The following FAM149A variants were observed in gnomAD, a reference collection of about 807,000 sequenced individuals.
FAM149A encodes family with sequence similarity 149 member A, also known as protein FAM149A.
A neutral mutation model predicts 78.2 loss-of-function variants in FAM149A; 71 were observed. The ratio of observed to expected loss-of-function variants is 0.91; its 90% CI spans 0.75 to 1.11. The LOEUF is 1.11. FAM149A is among the 50% of genes least tolerant of loss of function. The pLI is 0.00. For missense variants in FAM149A, 1,036 were observed against 971.0 expected (o/e 1.07, Z -0.89); for synonymous variants, 446 against 410.5 (o/e 1.09, Z -1.04).
At chr4:186,127,500 G>A (rs1262502299) in intron 1 of FAM149A, 3 of 985,290 alleles carry the variant, frequency 3.0e-6, no homozygotes, top group Non-Finnish European at 3.6e-6. Flanking sequence ...TGGGTACCAG[G>A]TTCTGTCTAG....
At chr4:186,151,055 C>T (rs1579882694) in intron 3 of FAM149A, 21 of 985,218 alleles carry the variant, frequency 2.1e-5, no homozygotes, top group East Asian at 2.3e-4. Context: ...CATGGGAATC[C>T]GCTTCTGTCC....
intron 1 of FAM149A, among the ~76,000 whole-genome samples, chr4:186,147,614 G>A (rs1733159652): frequency 6.6e-6 from 1 of 152,158 alleles, no homozygotes; most frequent in Admixed American, 6.5e-5. Flanking sequence ...ATCATGCTGA[G>A]TTTTAAAATT....
At chr4:186,134,438 G>A (rs971697154) in intron 1 of FAM149A, among the ~76,000 whole-genome samples, 1 of 152,180 alleles carries the variant, frequency 6.6e-6, no homozygotes, top group Non-Finnish European at 1.5e-5. Flanking sequence ...TTTTTTAGGT[G>A]CATGAGAAAG....
intron 1 of FAM149A, among the ~76,000 whole-genome samples, chr4:186,126,690 G>C (rs753547748): frequency 3.9e-5 from 6 of 152,008 alleles, no homozygotes; most frequent in Non-Finnish European, 5.9e-5. Flanking sequence ...TGACCCCCCT[G>C]GTTCTCAGAT....
chr4:186,120,384 T>G (rs192837255), intron 1 of FAM149A, among the ~76,000 whole-genome samples: 346 of 152,324 alleles, frequency 2.3e-3, no homozygotes, highest in Non-Finnish European at 3.9e-3. Context: ...CCAGGTATTT[T>G]TAATGAATTA....
rs552037644 is a variant in FAM149A, at chr4:186,171,986, G to A, written c.2291G>A (p.Ter764=). The stretch of plus-strand genomic sequence containing the variant: ...AAGAGGAGATTCCAAGTGACATCTT[G>A]AAACCACCTCACCAGAACCATTGGA... The change falls in exon 14 of 14, where the codon TGA becomes TAA. Residue 764 remains the stop codon, a stop_retained_variant. Transcript: ENST00000389354. The A allele has an allele frequency of 6.2e-7, 1 of 1,611,136 alleles. No homozygotes were observed. Among genetic ancestry groups the A allele is most frequent in the Admixed American group, 1.7e-5 (1 of 59,582 alleles).
In FAM149A at chr4:186,133,470, G is replaced by A. The variant is rs144931171; in HGVS notation, c.567-15703G>A. On this transcript the variant is annotated intron_variant, in intron 1 of 13. Coordinates refer to ENST00000389354, the MANE Select transcript of FAM149A (RefSeq NM_001367768.3). ...GGAATCATACAATATTTGGGCTTTT[G>A]TGTCTGGCTTATTTCACTTAGCGTA... 3.9e-5 allele frequency among the ~76,000 whole-genome samples: 6 copies of A among 152,258 alleles called. No individual in the cohort carries two copies. The East Asian group carries it at 1.2e-3, about 29-fold the overall frequency.
In FAM149A at chr4:186,130,291, C is replaced by CTA. The variant is rs1362112901; in HGVS notation, c.567-18881_567-18880insAT. 161 of 39,356 alleles carry CTA rather than the reference C, an allele frequency of 4.1e-3. 1 individual carries two copies. The highest frequency in any genetic ancestry group is 5.2e-3 in the Admixed American group (16 of 3,088). The allele number at this position is 39,356 out of a possible 1,614,324, so 2.4% of individuals were successfully genotyped here. A position where few individuals can be genotyped will look rare whatever the true frequency, so the allele number is the denominator to read the frequency against. On this transcript the variant is annotated intron_variant, in intron 1 of 13. Coordinates refer to ENST00000389354, the MANE Select transcript of FAM149A (RefSeq NM_001367768.3). The stretch of plus-strand genomic sequence containing the variant: ...TCTCTCTCTCTCTCTCTCTCTCTCT[C>CTA]TCTATATATATATATATATATATAA...
intron 1 of FAM149A, chr4:186,130,293 C>CTCTCTCTCTCTCTCTCTATATA: frequency 2.5e-3 from 116 of 46,552 alleles, no homozygotes; most frequent in Middle Eastern, 0.015. Flanking sequence ...CTCTCTCTCT[C>CTCTCTCTCTCTCTCTCTATATA]TATATATATA....
intron 1 of FAM149A, among the ~76,000 whole-genome samples, chr4:186,121,107 TTTATAA>T (rs1035478290): frequency 1.3e-5 from 2 of 152,122 alleles, no homozygotes; most frequent in East Asian, 1.9e-4. Context: ...TTTCCAGTTT[TTTATAA>T]TTATGTTTCT....
At chr4:186,113,266 T>C (rs2099312076) in intron 1 of FAM149A, among the ~76,000 whole-genome samples, 1 of 112,156 alleles carries the variant, frequency 8.9e-6, no homozygotes, top group Non-Finnish European at 1.8e-5. Context: ...TTTTTTATTG[T>C]GTCTATTTGA....
chr4:186,149,318 C>CA, intron 2 of FAM149A, 35 bp downstream of exon 2: 5 of 1,271,072 alleles, frequency 3.9e-6, no homozygotes, highest in Non-Finnish European at 5.1e-6. Context: ...TACAAAATCA[C>CA]AAAATGCCCG....
chr4:186,136,977 TCTCTCTC>T lies in FAM149A; in HGVS notation c.567-12195_567-12189del, dbSNP rs2099323338. 5.6e-5 allele frequency among the ~76,000 whole-genome samples: 3 copies of T among 53,370 alleles called. No homozygotes were observed. In the South Asian group the frequency reaches 2.3e-3, roughly 41 times the overall value. 35.0% of individuals were successfully genotyped at this position (53,370 alleles called of 152,430 possible). A position where few individuals can be genotyped will look rare whatever the true frequency, so the allele number is the denominator to read the frequency against. ...CTCTCTCTCTCTTTCTCTCTCTCTT[TCTCTCTC>T]TCTCTCTCTCTCTCTCTCTCTCTCT... On this transcript the variant is annotated intron_variant, in intron 1 of 13. Coordinates refer to ENST00000389354, the MANE Select transcript of FAM149A (RefSeq NM_001367768.3).
Position 186,105,147 on chromosome 4 carries a change from C to T in FAM149A, c.71C>T (p.Ala24Val), listed in dbSNP as rs2099308239. ...TTCGAGACCTCGACGGCGCCCCCCG[C>T]AGGCCCCTCCTCCAGACCCTCGGGA... The change falls in exon 1 of 14, where the codon GCA (alanine) becomes GTA (valine). Residue 24 changes from alanine (A) to valine (V), a missense_variant. Coordinates refer to ENST00000389354, the MANE Select transcript of FAM149A (RefSeq NM_001367768.3). 2.3e-6 allele frequency: 3 copies of T among 1,280,306 alleles called. No homozygotes were observed. The highest frequency in any genetic ancestry group is 3.0e-6 in the Non-Finnish European group (3 of 984,962). 79.3% of individuals were successfully genotyped at this position (1,280,306 alleles called of 1,614,324 possible). A position where few individuals can be genotyped will look rare whatever the true frequency, so the allele number is the denominator to read the frequency against.
chr4:186,166,740 T>TA (rs1579934326), intron 11 of FAM149A, among the ~76,000 whole-genome samples: 1 of 145,830 alleles, frequency 6.9e-6, no homozygotes, highest in East Asian at 2.0e-4. Flanking sequence ...AGGTTTTTTT[T>TA]ATCTCTCTTT....
chr4:186,108,850 GTTT>G (rs199914588), intron 1 of FAM149A, among the ~76,000 whole-genome samples: 1 of 140,572 alleles, frequency 7.1e-6, no homozygotes, highest in Non-Finnish European at 1.5e-5. Flanking sequence ...TCAATCTCTG[GTTT>G]TTTTTTTTTT....
intron 3 of FAM149A, among the ~76,000 whole-genome samples, chr4:186,149,958 C>T (rs1039486305): frequency 6.6e-6 from 1 of 152,160 alleles, no homozygotes; most frequent in East Asian, 1.9e-4. Context: ...ACCCTGCAGC[C>T]GGCTCTCCGG....
intron 8 of FAM149A, among the ~76,000 whole-genome samples, chr4:186,161,489 A>AT (rs1281443718): frequency 2.0e-5 from 3 of 152,092 alleles, no homozygotes; most frequent in African/African-American, 2.4e-5. Context: ...TGCTTATTGT[A>AT]TTTTTTTGGT....
In FAM149A at chr4:186,105,348, T is replaced by C. The variant is rs1352909635; in HGVS notation, c.272T>C (p.Val91Ala). ...GCCGCCAGCCGCGCCGCGGGAGCAG[T>C]GGGGACCCTGCTCTCTTGGCCCAGT... Residue 91 changes from valine (V) to alanine (A), a missense_variant, in exon 1 of 14, where the codon GTG becomes GCG. Transcript: ENST00000389354. The C allele has an allele frequency of 8.5e-7, 1 of 1,178,594 alleles. No individual in the cohort carries two copies. The highest frequency in any genetic ancestry group is 1.1e-6 in the Non-Finnish European group (1 of 943,804). 73.0% of individuals were successfully genotyped at this position (1,178,594 alleles called of 1,614,324 possible).
Sources: gnomAD v4.1 joint callset for allele counts (sites outside exome capture counted in the v4.1 genomes callset) on GRCh38, gnomAD v4.1.1 for gene constraint, MANE v1.5 for transcripts, NCBI Gene and HGNC (gene_info 2026-07-23, HGNC 2026-07-21) for gene names.